Variants in RTN4 observed in about 807,000 individuals in gnomAD.
RTN4 encodes the protein reticulon-4.
RTN4 carries 32 observed loss-of-function variants against 90.4 expected under a neutral mutation model. The ratio of observed to expected loss-of-function variants is 0.35; its 90% confidence interval spans 0.27 to 0.48. The LOEUF is 0.48. RTN4 is among the 20% of genes least tolerant of loss of function. The pLI is 0.99. For synonymous variants in RTN4, 629 were observed against 552.5 expected, an observed-to-expected ratio of 1.14 and a Z score of -1.94; for missense variants, 1,706 against 1,430.2, an observed-to-expected ratio of 1.19 and a Z score of -3.11.
At chr2:55,114,148 T>A (rs927696214), upstream of RTN4, among the ~76,000 whole-genome samples, 5 of 152,270 alleles carry the variant, frequency 3.3e-5, no homozygotes, top group Non-Finnish European at 5.9e-5. Flanking sequence ...TTTGGAATCG[T>A]CTGTCTTTAC....
intron 1 of RTN4, among the ~76,000 whole-genome samples, chr2:55,093,937 A>G (rs1198492493): frequency 6.6e-6 from 1 of 152,206 alleles, no homozygotes; most frequent in Non-Finnish European, 1.5e-5. Flanking sequence ...TATAAATGGA[A>G]TATGAGAGGG....
Position 55,026,843 on chromosome 2 carries a change from T to G in RTN4, c.1256A>C (p.Lys419Thr). ...ATCTGCAAAACATTTTTTATCCACTTTACTTTCCAAGTTGCTCTCGATTTT... is the reference window on the plus strand; with the variant it reads ...ATCTGCAAAACATTTTTTATCCACTGTACTTTCCAAGTTGCTCTCGATTTT... ...GGKIESNLES[K>T]VDKKCFADSL... Residue 419 changes from lysine (K) to threonine (T), a missense_variant, in exon 3 of 9, where the codon AAA becomes ACA. Transcript: ENST00000337526. 1 of 1,613,940 alleles carries G rather than the reference T, an allele frequency of 6.2e-7. No individual in the cohort carries two copies. The highest frequency in any genetic ancestry group is 8.5e-7 in the Non-Finnish European group (1 of 1,179,882).
chr2:55,087,153 G>T (rs1392863152), intron 1 of RTN4, among the ~76,000 whole-genome samples: 1 of 152,136 alleles, frequency 6.6e-6, no homozygotes. Flanking sequence ...TATGTTTGGG[G>T]GTACTGTGAA....
intron 1 of RTN4, among the ~76,000 whole-genome samples, chr2:55,032,082 C>T (rs1682357992): frequency 6.6e-6 from 1 of 151,534 alleles, no homozygotes; most frequent in Non-Finnish European, 1.5e-5. Context: ...ACGTTGGATT[C>T]GCACTTTTTT....
intron 3 of RTN4, 144 bp downstream of exon 3, chr2:55,024,942 C>T (rs918784275): frequency 5.8e-6 from 6 of 1,028,152 alleles, no homozygotes; most frequent in African/African-American, 3.3e-5. Flanking sequence ...GCACTAAAAC[C>T]TTTAACTGAA....
the RTN4 span, among the ~76,000 whole-genome samples, chr2:55,126,361 C>T: frequency 3.0e-3 from 457 of 150,988 alleles, 2 homozygotes; most frequent in Middle Eastern, 0.014. Context: ...AAGAGCAAAA[C>T]TCCGTCTCAA....
At chr2:55,124,521 C>T in the RTN4 span, among the ~76,000 whole-genome samples, 1 of 152,166 alleles carries the variant, frequency 6.6e-6, no homozygotes, top group Admixed American at 6.5e-5. Context: ...GGTGAAAGAT[C>T]TCTACAATGA....
At chr2:55,054,510 A>C (rs184422196), upstream of RTN4, among the ~76,000 whole-genome samples, 75 of 152,320 alleles carry the variant, frequency 4.9e-4, no homozygotes, top group Admixed American at 4.3e-3. Flanking sequence ...CAGAATGCTA[A>C]ATTGACACCT....
chr2:55,111,599 C>G (rs916912080), intron 1 of RTN4, among the ~76,000 whole-genome samples: 1 of 152,162 alleles, frequency 6.6e-6, no homozygotes, highest in Non-Finnish European at 1.5e-5. Context: ...CTCCCACCCT[C>G]TGCTGGGAGT....
chr2:55,029,163 T>C (rs1323852213), intron 1 of RTN4, among the ~76,000 whole-genome samples: 2 of 152,124 alleles, frequency 1.3e-5, no homozygotes, highest in African/African-American at 4.8e-5. Context: ...AGGTCATGTG[T>C]GCACACAGTG....
At chr2:55,017,392 T>C (rs1392391206) in intron 3 of RTN4, among the ~76,000 whole-genome samples, 3 of 152,192 alleles carry the variant, frequency 2.0e-5, no homozygotes, top group Admixed American at 2.0e-4. Flanking sequence ...TTCGTACTAT[T>C]TACCTAGACA....
At chr2:54,991,307 C>A (rs1335094496) in intron 3 of RTN4, among the ~76,000 whole-genome samples, 1 of 152,142 alleles carries the variant, frequency 6.6e-6, no homozygotes, top group Non-Finnish European at 1.5e-5. Flanking sequence ...AAATTAATGT[C>A]TAATCAAACT....
intron 3 of RTN4, among the ~76,000 whole-genome samples, chr2:54,995,497 C>T (rs551498808): frequency 6.6e-6 from 1 of 152,170 alleles, no homozygotes; most frequent in Non-Finnish European, 1.5e-5. Flanking sequence ...TGCCTTCATA[C>T]TGCATCATTT....
intron 5 of RTN4, among the ~76,000 whole-genome samples, chr2:54,976,938 T>C (rs894706652): frequency 4.6e-5 from 7 of 152,230 alleles, no homozygotes; most frequent in South Asian, 2.1e-4. Context: ...AGGCCTAAAA[T>C]GTAATGAAGA....
At chr2:55,116,024 G>T (rs1668118071), upstream of RTN4, among the ~76,000 whole-genome samples, 1 of 151,132 alleles carries the variant, frequency 6.6e-6, no homozygotes, top group Non-Finnish European at 1.5e-5. Context: ...TACTGTTGTG[G>T]CCATTAGCTT....
the RTN4 span, among the ~76,000 whole-genome samples, chr2:55,124,852 G>T: frequency 6.6e-6 from 1 of 152,154 alleles, no homozygotes; most frequent in Non-Finnish European, 1.5e-5. Flanking sequence ...CATGGTACTG[G>T]TACAAAAACA....
intron 4 of RTN4, among the ~76,000 whole-genome samples, chr2:54,984,091 C>G (rs1678359391): frequency 6.6e-6 from 1 of 152,192 alleles, no homozygotes; most frequent in Admixed American, 6.5e-5. Flanking sequence ...TGCTCTCTTA[C>G]CTCTGGTGAT....
At chr2:55,006,733 T>A (rs1418350946) in intron 3 of RTN4, among the ~76,000 whole-genome samples, 1 of 152,102 alleles carries the variant, frequency 6.6e-6, no homozygotes, top group Non-Finnish European at 1.5e-5. Flanking sequence ...AAGATTCACA[T>A]CCATTTCTCA....
intron 3 of RTN4, among the ~76,000 whole-genome samples, chr2:54,994,997 C>A (rs978910495): frequency 1.3e-5 from 2 of 152,202 alleles, no homozygotes; most frequent in African/African-American, 4.8e-5. Flanking sequence ...GTAATCCCAG[C>A]ACTTTCAGAG....
Sources: gnomAD v4.1 joint callset for allele counts (sites outside exome capture counted in the v4.1 genomes callset) on GRCh38, gnomAD v4.1.1 for gene constraint, MANE v1.5 for transcripts, NCBI Gene and HGNC (gene_info 2026-07-23, HGNC 2026-07-21) for gene names.